MUC5AC: variants seen among roughly 807,000 people sequenced by gnomAD.
MUC5AC encodes the protein mucin 5AC, oligomeric mucus/gel-forming.
MUC5AC carries 158 observed loss-of-function variants against 169.7 expected under a neutral mutation model. That is an observed-to-expected ratio of 0.93 (90% CI 0.82 to 1.06). MUC5AC has a LOEUF of 1.06. MUC5AC is among the 50% of genes least tolerant of loss of function. MUC5AC has a pLI of 0.00. For missense variants in MUC5AC, 4,359 were observed against 3,089.9 expected (o/e 1.41, Z -9.74); for synonymous variants, 1,975 against 1,237.0 (o/e 1.60, Z -12.52).
chr11:1,178,743 C>T, intron 25 of MUC5AC, 60 bp downstream of exon 25: 1 of 919,310 alleles, frequency 1.1e-6, no homozygotes, highest in East Asian at 3.3e-5. Flanking sequence ...CCAAGGAGCC[C>T]CCAGAAGGGA....
chr11:1,161,956 C>G lies in MUC5AC; in HGVS notation c.261C>G (p.Phe87Leu). ...NGRVCSTWGS[F>L]HYKTFDGDVF... ...GGGTGTGCAGCACCTGGGGCAGCTTCCACTACAAGACCTTCGACGGCGACG... is the reference window on the plus strand; with the variant it reads ...GGGTGTGCAGCACCTGGGGCAGCTTGCACTACAAGACCTTCGACGGCGACG... The change falls in exon 4 of 49, where the codon TTC (phenylalanine) becomes TTG (leucine). Residue 87 changes from phenylalanine (F) to leucine (L), a missense_variant. Transcript: ENST00000621226. 2 of 1,612,286 alleles carry G rather than the reference C, an allele frequency of 1.2e-6. No individual in the cohort carries two copies. Among genetic ancestry groups the G allele is most frequent in the East Asian group, 2.2e-5 (1 of 44,874 alleles).
intron 45 of MUC5AC, 92 bp downstream of exon 45, chr11:1,199,277 G>T: frequency 1.4e-6 from 1 of 698,054 alleles, no homozygotes; most frequent in East Asian, 2.7e-5. Flanking sequence ...GTCTGGCAGA[G>T]GCTGGGGACT....
chr11:1,200,597 T>G lies in MUC5AC; in HGVS notation c.16860T>G (p.Pro5620=). 1.3e-6 allele frequency: 1 copy of G among 764,412 alleles called. No homozygotes were observed. The highest frequency in any genetic ancestry group is 2.4e-6 in the Non-Finnish European group (1 of 417,498). 47.4% of individuals were successfully genotyped at this position (764,412 alleles called of 1,614,324 possible). ...GCGGCTGCATGGGCCGGCGGTGCCCTGCGCCGGGCGACACCCAGCACTCGG... is the reference window on the plus strand; with the variant it reads ...GCGGCTGCATGGGCCGGCGGTGCCCGGCGCCGGGCGACACCCAGCACTCGG... ...EECGCMGRRC[P]APGDTQHSEE... The change falls in exon 49 of 49, where the codon CCT becomes CCG. Residue 5620 remains proline, a synonymous_variant. Coordinates refer to ENST00000621226, the MANE Select transcript of MUC5AC (RefSeq NM_001304359.2).
At chr11:1,169,867 C>A in intron 15 of MUC5AC, among the ~76,000 whole-genome samples, 1 of 141,666 alleles carries the variant, frequency 7.1e-6, no homozygotes, top group Non-Finnish European at 1.5e-5. Flanking sequence ...CCCATTCACC[C>A]ACTCACCCAC....
intron 15 of MUC5AC, among the ~76,000 whole-genome samples, chr11:1,172,094 C>T (rs1860565182): frequency 6.6e-6 from 1 of 152,370 alleles, no homozygotes; most frequent in South Asian, 2.1e-4. Context: ...TCCAGTGAGC[C>T]CAGTGGAGGG....
Position 1,186,304 on chromosome 11 carries a change from C to T in MUC5AC, c.8159C>T (p.Pro2720Leu). ...CCCACAACAAGCACAACCTCTGCCC[C>T]TACAACCAGCACAATCTCGGCCCCA... ...SAPTTSTTSA[P>L]TTSTISAPTT... Residue 2720 changes from proline (P) to leucine (L), a missense_variant, in exon 31 of 49, where the codon CCT becomes CTT. Pro to Leu is a moderately conservative substitution (Grantham distance 98, BLOSUM62 -3). Transcript: ENST00000621226. 1.4e-6 allele frequency: 1 copy of T among 726,802 alleles called. No homozygotes were observed. Among genetic ancestry groups the T allele is most frequent in the Non-Finnish European group, 2.5e-6 (1 of 398,886 alleles). 45.0% of individuals were successfully genotyped at this position (726,802 alleles called of 1,614,324 possible).
In MUC5AC at chr11:1,192,351, G is replaced by A; in HGVS notation, c.14206G>A (p.Val4736Met). The change falls in exon 31 of 49, where the codon GTG becomes ATG. Residue 4736 changes from valine to methionine, a missense_variant. Val to Met is a conservative substitution (Grantham distance 21, BLOSUM62 1). Coordinates refer to ENST00000621226, the MANE Select transcript of MUC5AC (RefSeq NM_001304359.2). ...CCCCAGAGGCTGCCCGGTGACCTCT[G>A]TGACCCCATATGGGACTTCTCCTAC... ...ETPRGCPVTS[V>M]TPYGTSPTNA... is the part of the protein sequence containing the mutation. The A allele has an allele frequency of 1.3e-6, 1 of 765,108 alleles. No homozygotes were observed. The highest frequency in any genetic ancestry group is 2.3e-4 in the Middle Eastern group (1 of 4,440). 47.4% of individuals were successfully genotyped at this position (765,108 alleles called of 1,614,324 possible).
chr11:1,167,924 C>T lies in MUC5AC; in HGVS notation c.1434C>T (p.Cys478=), dbSNP rs1365962980. 9.7e-6 allele frequency: 15 copies of T among 1,550,572 alleles called. No homozygotes were observed. Among genetic ancestry groups the T allele is most frequent in the African/African-American group, 8.2e-5 (6 of 73,068 alleles). The part of the protein sequence containing the change: ...AFTVLAELRR[C]GLTDSETCLK... ...CTGTACTGGCTGAGCTGCGCAGGTG[C>T]GGGCTGACGGACAGCGAGACCTGCC... Residue 478 remains cysteine, a synonymous_variant, in exon 12 of 49, where the codon TGC becomes TGT. Coordinates refer to ENST00000621226, the MANE Select transcript of MUC5AC (RefSeq NM_001304359.2).
In MUC5AC at chr11:1,161,448, C is replaced by T. The variant is rs1424136373; in HGVS notation, c.152-79C>T. 6 of 1,244,988 alleles carry T rather than the reference C, an allele frequency of 4.8e-6. No individual in the cohort carries two copies. The East Asian group carries it at 1.1e-4, about 22-fold the overall frequency. 77.1% of individuals were successfully genotyped at this position (1,244,988 alleles called of 1,614,324 possible). A position where few individuals can be genotyped will look rare whatever the true frequency, so the allele number is the denominator to read the frequency against. On this transcript the variant is annotated intron_variant, in intron 2 of 48. Transcript: ENST00000621226. ...AGCCAGGAGCTGGGACCTGCTGACT[C>T]TGGAACGTCTCCTCTGGCTGCGGAG...
chr11:1,175,574 C>A (rs1214888093), intron 19 of MUC5AC, among the ~76,000 whole-genome samples: 2 of 149,018 alleles, frequency 1.3e-5, no homozygotes, highest in Non-Finnish European at 3.0e-5. Flanking sequence ...CATGCACATG[C>A]TCACACACCC....
chr11:1,181,297 C>T lies in MUC5AC; in HGVS notation c.3847C>T (p.Arg1283Cys), dbSNP rs1249746784. Residue 1283 changes from arginine (R) to cysteine (C), a missense_variant, in exon 30 of 49, where the codon CGC becomes TGC. Transcript: ENST00000621226. ...EACVCTYNGQ[R>C]FHPGDVIYHT... ...CTGTGTCTGCACCTACAATGGACAG[C>T]GCTTCCACCCAGGGGACGTCATCTA... 4 of 398,426 alleles carry T rather than the reference C, an allele frequency of 1.0e-5. No homozygotes were observed. Among genetic ancestry groups the T allele is most frequent in the East Asian group, 7.1e-5 (2 of 28,060 alleles). The allele number at this position is 398,426 out of a possible 1,614,324, so 24.7% of individuals were successfully genotyped here. A position where few individuals can be genotyped will look rare whatever the true frequency, so the allele number is the denominator to read the frequency against.
intron 24 of MUC5AC, 33 bp from the exon 25 acceptor site, chr11:1,178,411 C>T (rs1470087125): frequency 2.1e-6 from 1 of 486,792 alleles, no homozygotes; most frequent in Non-Finnish European, 3.3e-6. Context: ...CGGTTTGCTG[C>T]ACCCACCTCC....
intron 15 of MUC5AC, among the ~76,000 whole-genome samples, 170 bp from the exon 16 acceptor site, chr11:1,172,259 C>T (rs1003064324): frequency 6.6e-6 from 1 of 152,208 alleles, no homozygotes; most frequent in Non-Finnish European, 1.5e-5. Flanking sequence ...GGGAGCTTTT[C>T]CTCGGGGAGG....
Position 1,197,950 on chromosome 11 carries a change from G to A in MUC5AC, c.16081G>A (p.Ala5361Thr), listed in dbSNP as rs747442081. ...CGCGCCCGTGGGCTGTCCTGAGGGCGCCCGCGCGATCCCGACCTACCAGGA... is the reference window on the plus strand; with the variant it reads ...CGCGCCCGTGGGCTGTCCTGAGGGCACCCGCGCGATCCCGACCTACCAGGA... ...CPAPVGCPEG[A>T]RAIPTYQEGA... The change falls in exon 42 of 49, where the codon GCC (alanine) becomes ACC (threonine). Residue 5361 changes from alanine (A) to threonine (T), a missense_variant. Ala to Thr is a moderately conservative substitution (Grantham distance 58). Transcript: ENST00000621226. 4 of 737,204 alleles carry A rather than the reference G, an allele frequency of 5.4e-6. No homozygotes were observed. Among genetic ancestry groups the A allele is most frequent in the East Asian group, 2.5e-5 (1 of 40,084 alleles). The allele number at this position is 737,204 out of a possible 1,614,324, so 45.7% of individuals were successfully genotyped here. A position where few individuals can be genotyped will look rare whatever the true frequency, so the allele number is the denominator to read the frequency against.
In MUC5AC at chr11:1,198,947, C is replaced by T. The variant is rs928459607; in HGVS notation, c.16247C>T (p.Ala5416Val). ...CTGCCGGGTGGCCCCCCATCGGACG[C>T]GTTTGTGGTCAGCTGTGAGACCCAG... is the stretch of plus-strand genomic sequence containing the variant. The part of the protein sequence containing the change: ...CELPGGPPSD[A>V]FVVSCETQIC... The change falls in exon 44 of 49, where the codon GCG becomes GTG. Residue 5416 changes from alanine to valine, a missense_variant. By Grantham distance (64) the Ala-to-Val change is moderately conservative. Transcript: ENST00000621226. The T allele has an allele frequency of 1.2e-5, 9 of 763,388 alleles. No homozygotes were observed. The highest frequency in any genetic ancestry group is 2.7e-5 in the South Asian group (2 of 74,300). 47.3% of individuals were successfully genotyped at this position (763,388 alleles called of 1,614,324 possible).
At position 1,161,470 on chromosome 11, in the gene MUC5AC, G is replaced by A. The variant is rs896851064; in HGVS notation, c.152-57G>A. The A allele has an allele frequency of 1.8e-5, 26 of 1,418,446 alleles. No homozygotes were observed. The East Asian group carries it at 2.0e-4, about 11-fold the overall frequency. 87.9% of individuals were successfully genotyped at this position (1,418,446 alleles called of 1,614,324 possible). On this transcript the variant is annotated intron_variant, in intron 2 of 48. Coordinates refer to ENST00000621226, the MANE Select transcript of MUC5AC (RefSeq NM_001304359.2). ...ACTCTGGAACGTCTCCTCTGGCTGCGGAGCCCCCGCCCCACGTGGGGCCGT... is the reference window on the plus strand; with the variant it reads ...ACTCTGGAACGTCTCCTCTGGCTGCAGAGCCCCCGCCCCACGTGGGGCCGT...
At chr11:1,158,192 A>C (rs1399389342) in intron 1 of MUC5AC, 120 bp downstream of exon 1, 10 of 869,832 alleles carry the variant, frequency 1.1e-5, no homozygotes, top group Non-Finnish European at 1.7e-5. Context: ...AACGGCTCCC[A>C]GCAGCATAGC....
chr11:1,197,987 G>C lies in MUC5AC; in HGVS notation c.16118G>C (p.Cys5373Ser). ...AIPTYQEGAC[C>S]PVQNCSWTVC... Reference sequence around the variant, plus strand: ...CCGACCTACCAGGAGGGGGCCTGCTGCCCAGTCCAAAACTGCAGTGAGTGG... The same window carrying C: ...CCGACCTACCAGGAGGGGGCCTGCTCCCCAGTCCAAAACTGCAGTGAGTGG... Residue 5373 changes from cysteine (C) to serine (S), a missense_variant, in exon 42 of 49, where the codon TGC becomes TCC. Coordinates refer to ENST00000621226, the MANE Select transcript of MUC5AC (RefSeq NM_001304359.2). The C allele has an allele frequency of 1.4e-6, 1 of 720,300 alleles. No individual in the cohort carries two copies. Among genetic ancestry groups the C allele is most frequent in the Admixed American group, 1.9e-5 (1 of 53,402 alleles). 44.6% of individuals were successfully genotyped at this position (720,300 alleles called of 1,614,324 possible).
chr11:1,186,714 A>C lies in MUC5AC; in HGVS notation c.8569A>C (p.Thr2857Pro), dbSNP rs1327244033. Residue 2857 changes from threonine to proline, a missense_variant, in exon 31 of 49, where the codon ACA becomes CCA. By Grantham distance (38) the Thr-to-Pro change is conservative. Coordinates refer to ENST00000621226, the MANE Select transcript of MUC5AC (RefSeq NM_001304359.2). ...APTTSTTSAP[T>P]TRTTSVPTSS... is the part of the protein sequence containing the mutation. ...TACAACCAGCACAACCTCTGCCCCT[A>C]CAACCAGAACAACCTCTGTCCCTAC... The C allele has an allele frequency of 1.4e-5, 10 of 729,516 alleles. No homozygotes were observed. In the African/African-American group the frequency reaches 1.6e-4, roughly 11 times the overall value. 45.2% of individuals were successfully genotyped at this position (729,516 alleles called of 1,614,324 possible).
Sources: allele counts gnomAD v4.1 joint callset (sites outside exome capture counted in the v4.1 genomes callset), GRCh38; gene constraint gnomAD v4.1.1; transcripts MANE v1.5; gene names NCBI Gene and HGNC (gene_info 2026-07-23, HGNC 2026-07-21).